Variants in ARHGAP39 observed in about 807,000 individuals in gnomAD.
ARHGAP39 encodes rho GTPase-activating protein 39.
A neutral mutation model predicts 106.9 loss-of-function variants in ARHGAP39; 44 were observed. The ratio of observed to expected loss-of-function variants is 0.41; its 90% CI spans 0.32 to 0.53. The LOEUF (loss-of-function observed/expected upper bound fraction) is 0.53, where lower values mean the gene tolerates loss of function less well. ARHGAP39 is among the 20% of genes least tolerant of loss of function. The pLI is 0.21. For synonymous variants in ARHGAP39, 768 were observed against 693.2 expected (o/e 1.11, Z -1.69); for missense variants, 1,496 against 1,577.3 (o/e 0.95, Z 0.87).
At chr8:144,571,387 C>T (rs1428197236) in intron 3 of ARHGAP39, among the ~76,000 whole-genome samples, 2 of 152,108 alleles carry the variant, frequency 1.3e-5, no homozygotes, top group African/African-American at 4.8e-5. Context: ...AACCTAAAAA[C>T]CACGATTATC....
chr8:144,567,212 T>C (rs1269395522), intron 3 of ARHGAP39, among the ~76,000 whole-genome samples: 1 of 152,214 alleles, frequency 6.6e-6, no homozygotes, highest in Non-Finnish European at 1.5e-5. Flanking sequence ...TTGTAGCAAT[T>C]ACTCTTTATT....
In ARHGAP39 at chr8:144,670,977, C is replaced by T. The variant is rs141059112; in HGVS notation, c.-82+14709G>A. Among the ~76,000 whole-genome samples, 1 of 152,336 alleles carries T rather than the reference C, an allele frequency of 6.6e-6. No homozygotes were observed. The highest frequency in any genetic ancestry group is 1.5e-5 in the Non-Finnish European group (1 of 68,036). On this transcript the variant is annotated intron_variant, in intron 1 of 11. Transcript: ENST00000377307. The surrounding 1 kb of genome is among the most constrained non-coding windows in gnomAD (Gnocchi z 4.4). Reference sequence around the variant, plus strand: ...ACGCTGCCTGGTGCTGCTCCCTCCTCCCACACCAGAGACCCCCACCACACA... The same window carrying T: ...ACGCTGCCTGGTGCTGCTCCCTCCTTCCACACCAGAGACCCCCACCACACA...
intron 2 of ARHGAP39, among the ~76,000 whole-genome samples, chr8:144,598,129 G>A (rs1177490640): frequency 7.2e-5 from 11 of 152,304 alleles, no homozygotes; most frequent in Non-Finnish European, 1.0e-4. Flanking sequence ...GAGGGCGCCC[G>A]GCATGGCCTC....
At chr8:144,657,121 TG>T (rs1339752922) in intron 1 of ARHGAP39, among the ~76,000 whole-genome samples, 32 of 152,026 alleles carry the variant, frequency 2.1e-4, no homozygotes, top group African/African-American at 7.7e-4. Flanking sequence ...TGGCCTAGCA[TG>T]GTGGCTCATG....
At chr8:144,546,603 C>T (rs1472383047) in intron 5 of ARHGAP39, among the ~76,000 whole-genome samples, 1 of 152,256 alleles carries the variant, frequency 6.6e-6, no homozygotes, top group Non-Finnish European at 1.5e-5. Context: ...ATCTAGCCTC[C>T]ATCAGCTCCA....
At chr8:144,542,077 C>T (rs376573363) in intron 6 of ARHGAP39, among the ~76,000 whole-genome samples, 2 of 152,108 alleles carry the variant, frequency 1.3e-5, no homozygotes, top group South Asian at 2.1e-4. Flanking sequence ...AGCTGGAAGC[C>T]GGGAGACCTT....
chr8:144,620,822 TGA>T (rs1425564516), intron 1 of ARHGAP39, among the ~76,000 whole-genome samples: 1 of 152,114 alleles, frequency 6.6e-6, no homozygotes, highest in African/African-American at 2.4e-5. Context: ...GCAGGGACTG[TGA>T]GTACAGAAGA....
chr8:144,547,975 GCTGCTGGCAGGGCGAGGGGGGGCC>G lies in ARHGAP39; in HGVS notation c.1087_1110del (p.Gly363_Gln370del). ...GGACACTTCTGCTTGGTGAGCACCA[GCTGCTGGCAGGGCGAGGGGGGGCC>G]CTGCTTGTTGGGCTGGAGGAACGGC... On this transcript the variant is annotated inframe_deletion, in exon 5 of 12. Transcript: ENST00000377307. The surrounding 1 kb of genome is among the most constrained non-coding windows in gnomAD (Gnocchi z 5.2). 6.2e-7 allele frequency: 1 copy of G among 1,608,606 alleles called. No homozygotes were observed. Among genetic ancestry groups the G allele is most frequent in the East Asian group, 2.2e-5 (1 of 44,634 alleles).
At chr8:144,610,433 C>T (rs943381128) in intron 1 of ARHGAP39, among the ~76,000 whole-genome samples, 1 of 152,046 alleles carries the variant, frequency 6.6e-6, no homozygotes, top group African/African-American at 2.4e-5. Flanking sequence ...AATTTAGGGC[C>T]GGGCGTGGTG....
rs1448434603 is a variant in ARHGAP39 at position 144,530,410 on chromosome 8, C to T, written c.*12G>A. On this transcript the variant is annotated 3_prime_UTR_variant, in exon 12 of 12. Transcript: ENST00000377307. Reference sequence around the variant, plus strand: ...GGCGGCAGGACATCCCTCCTGTCCCCGGGCGCCCCCGCTACAGCACACCCT... The same window carrying T: ...GGCGGCAGGACATCCCTCCTGTCCCTGGGCGCCCCCGCTACAGCACACCCT... The T allele has an allele frequency of 1.9e-6, 3 of 1,583,520 alleles. No individual in the cohort carries two copies. The highest frequency in any genetic ancestry group is 8.6e-7 in the Non-Finnish European group (1 of 1,162,208).
chr8:144,553,595 G>A lies in ARHGAP39; in HGVS notation c.596+1965C>T, dbSNP rs543410090. ...ACTGGCAGGCCTCCCTCATACTCCC[G>A]TCGACCCAGCCTCTTCTTCCAGACA... On this transcript the variant is annotated intron_variant, in intron 4 of 11. Transcript: ENST00000377307. 6.6e-4 allele frequency among the ~76,000 whole-genome samples: 100 copies of A among 152,276 alleles called. 5 individuals carry two copies. The South Asian group carries it at 0.018, about 28-fold the overall frequency.
chr8:144,661,109 T>G (rs945381425), intron 1 of ARHGAP39, among the ~76,000 whole-genome samples: 2 of 152,114 alleles, frequency 1.3e-5, no homozygotes, highest in African/African-American at 4.8e-5. Flanking sequence ...GACGGCCCTC[T>G]CAGCACCGCC....
chr8:144,676,873 G>A (rs1175150025), intron 1 of ARHGAP39, among the ~76,000 whole-genome samples: 5 of 152,286 alleles, frequency 3.3e-5, no homozygotes, highest in African/African-American at 7.2e-5. Flanking sequence ...GGACGCCGAG[G>A]AGGCGCCGAG....
rs1245310007 is a variant in ARHGAP39 at position 144,679,822 on chromosome 8, C to T, written c.-82+5864G>A. 6.6e-6 allele frequency among the ~76,000 whole-genome samples: 1 copy of T among 152,076 alleles called. No individual in the cohort carries two copies. The highest frequency in any genetic ancestry group is 1.9e-4 in the East Asian group (1 of 5,180). On this transcript the variant is annotated intron_variant, in intron 1 of 11. Transcript: ENST00000377307. This position sits in a 1 kb window ranked among gnomAD's most constrained non-coding sequence, Gnocchi z 4.7. ...AGTGAAACCCCGTGTCTACTAAAAACACAAAAAATTAGCCGGGCATGGTGG... is the reference window on the plus strand; with the variant it reads ...AGTGAAACCCCGTGTCTACTAAAAATACAAAAAATTAGCCGGGCATGGTGG...
chr8:144,593,401 C>T (rs1421243574), intron 2 of ARHGAP39, among the ~76,000 whole-genome samples: 1 of 152,126 alleles, frequency 6.6e-6, no homozygotes, highest in African/African-American at 2.4e-5. Flanking sequence ...CAGTCAGACC[C>T]TACCTCATGC....
At chr8:144,593,336 G>T (rs1021054544) in intron 2 of ARHGAP39, among the ~76,000 whole-genome samples, 20 of 152,170 alleles carry the variant, frequency 1.3e-4, no homozygotes, top group Non-Finnish European at 1.5e-4. Context: ...ACTCCATCGG[G>T]AAAGGAGAGT....
chr8:144,569,615 AGGAATGTGGG>A (rs1269485064), intron 3 of ARHGAP39, among the ~76,000 whole-genome samples: 1 of 152,216 alleles, frequency 6.6e-6, no homozygotes, highest in Non-Finnish European at 1.5e-5. Context: ...ATGGTTCCTT[AGGAATGTGGG>A]GGATTGTGCA....
Position 144,670,789 on chromosome 8 carries a change from C to T in ARHGAP39, c.-82+14897G>A, listed in dbSNP as rs1373183175. On this transcript the variant is annotated intron_variant, in intron 1 of 11. Coordinates refer to ENST00000377307, the MANE Select transcript of ARHGAP39 (RefSeq NM_025251.3). The surrounding 1 kb of genome is among the most constrained non-coding windows in gnomAD (Gnocchi z 4.4). ...CATCCCCGTCCTTCAGACCACACAC[C>T]GCAGCTGCCAACTGTGTGTATCTGT... 2.6e-5 allele frequency among the ~76,000 whole-genome samples: 4 copies of T among 152,162 alleles called. No individual in the cohort carries two copies. The highest frequency in any genetic ancestry group is 2.1e-4 in the South Asian group (1 of 4,830).
At chr8:144,623,982 G>A (rs1820872587) in intron 1 of ARHGAP39, among the ~76,000 whole-genome samples, 1 of 152,218 alleles carries the variant, frequency 6.6e-6, no homozygotes, top group Admixed American at 6.5e-5. Context: ...CTTGGCATCA[G>A]CAGCAGCCTT....
Sources: gnomAD v4.1 joint callset for allele counts (sites outside exome capture counted in the v4.1 genomes callset) on GRCh38, gnomAD v4.1.1 for gene constraint, Gnocchi (gnomAD v3.1) non-coding constraint, MANE v1.5 for transcripts, NCBI Gene and HGNC (gene_info 2026-07-23, HGNC 2026-07-21) for gene names.